ZFPM1: variants seen among roughly 807,000 people sequenced by gnomAD.
ZFPM1 encodes the protein zinc finger protein ZFPM1.
Under a neutral mutation model 46.3 loss-of-function variants are expected in ZFPM1, and 28 were observed. The ratio of observed to expected loss-of-function variants is 0.60; its 90% CI spans 0.45 to 0.83. The LOEUF (loss-of-function observed/expected upper bound fraction) is 0.83. Ranked by LOEUF, ZFPM1 falls within the 40% of genes least tolerant of loss-of-function variation. ZFPM1 has a pLI of 0.00. For missense variants in ZFPM1, 1,878 were observed against 1,432.4 expected (o/e 1.31, Z -5.02); for synonymous variants, 957 against 675.9 (o/e 1.42, Z -6.45).
intron 3 of ZFPM1, among the ~76,000 whole-genome samples, chr16:88,509,874 G>A (rs1031951453): frequency 1.3e-5 from 2 of 152,136 alleles, no homozygotes; most frequent in Admixed American, 6.5e-5. Context: ...GCTGCCACAC[G>A]CGCGTCACGG....
At chr16:88,528,295 G>T (rs992629335) in intron 6 of ZFPM1, 57 bp downstream of exon 6, 3 of 1,504,250 alleles carry the variant, frequency 2.0e-6, no homozygotes, top group Non-Finnish European at 2.7e-6. Context: ...GGAGCAGGCA[G>T]GGCAGGAGAG....
chr16:88,528,653 A>C (rs1425145889), intron 6 of ZFPM1, among the ~76,000 whole-genome samples: 40 of 152,198 alleles, frequency 2.6e-4, no homozygotes, highest in Non-Finnish European at 2.9e-5. Context: ...ACGGGGGGTG[A>C]GCGGCAGCCC....
chr16:88,467,098 C>A (rs558961400), intron 1 of ZFPM1, among the ~76,000 whole-genome samples: 4 of 152,168 alleles, frequency 2.6e-5, no homozygotes, highest in Non-Finnish European at 5.9e-5. Flanking sequence ...TTTCCGCCAA[C>A]GGCTACAGTG....
chr16:88,486,052 G>A lies in ZFPM1; in HGVS notation c.145+9G>A. On this transcript the variant is annotated intron_variant, in intron 2 of 9. Transcript: ENST00000319555. ...GAGCCCTCCCAGCGCAGGTGAGTCA[G>A]ACTGAGCCCTCTCACCGCGCCTCCA... The A allele has an allele frequency of 4.3e-6, 7 of 1,609,570 alleles. No individual in the cohort carries two copies. Among genetic ancestry groups the A allele is most frequent in the Non-Finnish European group, 5.9e-6 (7 of 1,178,818 alleles).
At chr16:88,493,358 TGGGGAGA>T (rs1909721528) in intron 3 of ZFPM1, among the ~76,000 whole-genome samples, 1 of 137,234 alleles carries the variant, frequency 7.3e-6, no homozygotes, top group Admixed American at 7.2e-5. Flanking sequence ...TGTCCCGGGG[TGGGGAGA>T]GCTGTCCCGG....
intron 1 of ZFPM1, among the ~76,000 whole-genome samples, chr16:88,484,028 G>A (rs1224207695): frequency 6.6e-6 from 1 of 152,210 alleles, no homozygotes; most frequent in Non-Finnish European, 1.5e-5. Flanking sequence ...TACTGGCTGG[G>A]CAGGTGTTTC....
At chr16:88,509,095 G>T (rs574987039) in intron 3 of ZFPM1, among the ~76,000 whole-genome samples, 180 of 152,296 alleles carry the variant, frequency 1.2e-3, no homozygotes, top group African/African-American at 4.0e-3. Flanking sequence ...GGATGTGTTG[G>T]AAGCTGGTGT....
rs1238379625 is a variant in ZFPM1 at position 88,502,884 on chromosome 16, T to G, written c.269-11503T>G. ...ACGTGGATGCCCGTTTGTGGGTCTC[T>G]GCACACACGGTGGCCGGACGGCAGA... On this transcript the variant is annotated intron_variant, in intron 3 of 9. Coordinates refer to ENST00000319555, the MANE Select transcript of ZFPM1 (RefSeq NM_153813.3). 4.6e-5 allele frequency among the ~76,000 whole-genome samples: 7 copies of G among 152,248 alleles called. No individual in the cohort carries two copies. In the East Asian group the frequency reaches 1.2e-3, roughly 25 times the overall value.
intron 3 of ZFPM1, among the ~76,000 whole-genome samples, chr16:88,494,069 G>A (rs1909784742): frequency 1.3e-5 from 2 of 152,186 alleles, no homozygotes; most frequent in African/African-American, 4.8e-5. Context: ...ACGAGGAGGG[G>A]GACTGCGGAG....
At chr16:88,524,370 C>T (rs75424236) in intron 4 of ZFPM1, among the ~76,000 whole-genome samples, 1 of 152,202 alleles carries the variant, frequency 6.6e-6, no homozygotes, top group Non-Finnish European at 1.5e-5. Context: ...CCAGCAGAAG[C>T]CCCCATCGGA....
In ZFPM1 at chr16:88,514,395, G is replaced by C. The variant is rs889233472; in HGVS notation, c.277G>C (p.Glu93Gln). 1 of 1,564,862 alleles carries C rather than the reference G, an allele frequency of 6.4e-7. No homozygotes were observed. The highest frequency in any genetic ancestry group is 1.4e-5 in the African/African-American group (1 of 73,864). ...GSPWSGPDEL[E>Q]PVVQDGQRRI... ...GCGATGTCTCTCTGCAGACGAGCTG[G>C]AGCCGGTGGTGCAGGATGGGCAGAG... The change falls in exon 4 of 10, where the codon GAG (glutamate) becomes CAG (glutamine). Residue 93 changes from glutamate (E) to glutamine (Q), a missense_variant. Coordinates refer to ENST00000319555, the MANE Select transcript of ZFPM1 (RefSeq NM_153813.3).
At chr16:88,506,908 C>T (rs1374803137) in intron 3 of ZFPM1, among the ~76,000 whole-genome samples, 34 of 152,220 alleles carry the variant, frequency 2.2e-4, no homozygotes, top group African/African-American at 9.6e-5. Context: ...CCTGCGGCTC[C>T]GTCTCCCTTC....
intron 3 of ZFPM1, 151 bp from the exon 4 acceptor site, chr16:88,514,236 C>T (rs1911145365): frequency 2.2e-6 from 3 of 1,349,666 alleles, no homozygotes; most frequent in Admixed American, 4.7e-5. Context: ...CTGCCCAGGC[C>T]CCTGGGACCC....
At chr16:88,465,311 C>A (rs377520002) in intron 1 of ZFPM1, among the ~76,000 whole-genome samples, 1 of 152,246 alleles carries the variant, frequency 6.6e-6, no homozygotes, top group Non-Finnish European at 1.5e-5. Flanking sequence ...AGCTAGTAAC[C>A]GTGGCCCACA....
intron 6 of ZFPM1, 57 bp from the exon 7 acceptor site, chr16:88,531,945 T>A (rs924520555): frequency 1.6e-4 from 237 of 1,521,570 alleles, no homozygotes; most frequent in Non-Finnish European, 2.0e-4. Flanking sequence ...GCCCACAGCC[T>A]TGCCCTGGCT....
At chr16:88,451,913 C>G (rs1014408934), upstream of ZFPM1, among the ~76,000 whole-genome samples, 37 of 152,274 alleles carry the variant, frequency 2.4e-4, no homozygotes, top group African/African-American at 8.7e-4. Flanking sequence ...TACCCACCCG[C>G]CACTCTCCTG....
intron 2 of ZFPM1, among the ~76,000 whole-genome samples, chr16:88,486,686 GT>G (rs1909246540): frequency 1.3e-5 from 2 of 151,020 alleles, no homozygotes; most frequent in African/African-American, 4.9e-5. Context: ...TAGGTACACA[GT>G]GGGTGCTGGG....
chr16:88,495,269 G>T (rs1909871156), intron 3 of ZFPM1, among the ~76,000 whole-genome samples: 1 of 152,242 alleles, frequency 6.6e-6, no homozygotes, highest in African/African-American at 2.4e-5. Context: ...TGGGCCACAA[G>T]GAAACAGGTG....
At chr16:88,470,029 C>A (rs535219237) in intron 1 of ZFPM1, among the ~76,000 whole-genome samples, 36 of 152,260 alleles carry the variant, frequency 2.4e-4, no homozygotes, top group African/African-American at 8.4e-4. Context: ...TACTCCCCAG[C>A]TGATTTCTGG....
Sources: gnomAD v4.1 joint callset for allele counts (sites outside exome capture counted in the v4.1 genomes callset) on GRCh38, gnomAD v4.1.1 for gene constraint, MANE v1.5 for transcripts, NCBI Gene and HGNC (gene_info 2026-07-23, HGNC 2026-07-21) for gene names.